LDLRAD4: variants seen among roughly 807,000 people sequenced by gnomAD.
LDLRAD4 encodes the protein low-density lipoprotein receptor class A domain-containing protein 4.
Under a neutral mutation model 17.0 loss-of-function variants are expected in LDLRAD4, and 5 were observed. The observed-to-expected ratio is 0.29, with a 90% CI of 0.15 to 0.62. The LOEUF (loss-of-function observed/expected upper bound fraction) is 0.62. Ranked by LOEUF, LDLRAD4 falls within the 20% of genes least tolerant of loss-of-function variation. The pLI is 0.84. For missense variants in LDLRAD4, 340 were observed against 424.7 expected (o/e 0.80, Z 1.75); for synonymous variants, 168 against 171.8 (o/e 0.98, Z 0.17).
intron 1 of LDLRAD4, among the ~76,000 whole-genome samples, chr18:13,305,975 G>A (rs2046890516): frequency 6.6e-6 from 1 of 152,204 alleles, no homozygotes; most frequent in Admixed American, 6.5e-5. Context: ...GGAGAATTCA[G>A]TGCCAGCAAG....
chr18:13,522,146 T>G (rs2093962447), intron 3 of LDLRAD4: 1 of 152,202 alleles, frequency 6.6e-6, no homozygotes, highest in Admixed American at 6.5e-5. Flanking sequence ...TGATAAATGC[T>G]GTGGCATTCC....
intron 3 of LDLRAD4, among the ~76,000 whole-genome samples, chr18:13,572,308 G>A (rs999140527): frequency 1.3e-5 from 2 of 152,162 alleles, no homozygotes; most frequent in African/African-American, 4.8e-5. Flanking sequence ...GCCACCCCTG[G>A]CCCCCTTTGC....
chr18:13,396,742 C>A (rs2013663), intron 2 of LDLRAD4, among the ~76,000 whole-genome samples: 65,280 of 152,084 alleles, frequency 0.43, 16,326 homozygotes, highest in Non-Finnish European at 0.55. Flanking sequence ...CTTGGCCTCC[C>A]AAAGTGCTAG....
chr18:13,578,809 T>A, intron 3 of LDLRAD4, among the ~76,000 whole-genome samples: 1 of 146,340 alleles, frequency 6.8e-6, no homozygotes, highest in Non-Finnish European at 1.5e-5. Flanking sequence ...CAGTGACCCA[T>A]TTAAAAGTTG....
chr18:13,372,806 C>T (rs2084616074), intron 1 of LDLRAD4, among the ~76,000 whole-genome samples: 1 of 152,194 alleles, frequency 6.6e-6, no homozygotes, highest in Admixed American at 6.5e-5. Flanking sequence ...GGCATGTAGC[C>T]ACACCATGTG....
chr18:13,329,256 A>G (rs1408261978), intron 1 of LDLRAD4, among the ~76,000 whole-genome samples: 1 of 152,228 alleles, frequency 6.6e-6, no homozygotes, highest in East Asian at 1.9e-4. Context: ...GGCTTGCACC[A>G]GTTCACACAA....
chr18:13,507,612 C>G (rs1435134458), intron 3 of LDLRAD4, among the ~76,000 whole-genome samples: 2 of 152,244 alleles, frequency 1.3e-5, no homozygotes, highest in South Asian at 4.1e-4. Flanking sequence ...GTGAATTGTG[C>G]TGCTATAAAC....
intron 2 of LDLRAD4, among the ~76,000 whole-genome samples, chr18:13,432,037 C>T (rs947836828): frequency 1.3e-5 from 2 of 152,202 alleles, no homozygotes; most frequent in Non-Finnish European, 2.9e-5. Context: ...AGCACTGCTG[C>T]ATTCTCCTCC....
At chr18:13,360,895 A>G (rs1031435201) in intron 1 of LDLRAD4, among the ~76,000 whole-genome samples, 1 of 152,166 alleles carries the variant, frequency 6.6e-6, no homozygotes, top group Non-Finnish European at 1.5e-5. Flanking sequence ...TTTTCTCCCC[A>G]CTGATTTCTT....
At chr18:13,552,072 A>T (rs2094440051) in intron 3 of LDLRAD4, among the ~76,000 whole-genome samples, 1 of 152,146 alleles carries the variant, frequency 6.6e-6, no homozygotes, top group Non-Finnish European at 1.5e-5. Context: ...CATGACCCAG[A>T]CACCCCCCAC....
intron 2 of LDLRAD4, among the ~76,000 whole-genome samples, chr18:13,404,776 C>G (rs1053228852): frequency 1.3e-5 from 2 of 149,238 alleles, no homozygotes; most frequent in East Asian, 3.9e-4. Flanking sequence ...CCAGCCTGGG[C>G]GACTGAGCGA....
rs377562237 is a variant in LDLRAD4 at position 13,293,938 on chromosome 18, TGGG to T, written c.-383+15752_-383+15754del. 4.7e-4 allele frequency among the ~76,000 whole-genome samples: 71 copies of T among 152,322 alleles called. No individual in the cohort carries two copies. The East Asian group carries it at 8.7e-3, about 19-fold the overall frequency. On this transcript the variant is annotated intron_variant, in intron 1 of 5. Coordinates refer to ENST00000359446, the Ensembl canonical transcript of LDLRAD4. ...CATAGGAGTCAGGCTCACAGGCTTC[TGGG>T]GCCAGAGGAGCACTTTAATACCAGG...
At chr18:13,557,441 C>T (rs1683145172) in intron 3 of LDLRAD4, among the ~76,000 whole-genome samples, 1 of 152,164 alleles carries the variant, frequency 6.6e-6, no homozygotes, top group African/African-American at 2.4e-5. Flanking sequence ...CGCTCTTTCG[C>T]CCAAGCTGGG....
intron 2 of LDLRAD4, among the ~76,000 whole-genome samples, chr18:13,411,336 G>T (rs1021467582): frequency 2.3e-5 from 3 of 129,804 alleles, no homozygotes; most frequent in Non-Finnish European, 5.0e-5. Flanking sequence ...TTATCTCATA[G>T]TTTTGCCGTA....
At chr18:13,376,082 G>T (rs898201583) in intron 1 of LDLRAD4, among the ~76,000 whole-genome samples, 1 of 152,132 alleles carries the variant, frequency 6.6e-6, no homozygotes, top group Admixed American at 6.5e-5. Flanking sequence ...CACTTCATCA[G>T]ACTCTGGGAG....
rs57635490 is a variant in LDLRAD4, at chr18:13,499,004, G to A, written c.181+60620G>A. ...AATCCATCTCCACACACGTCCCGCC[G>A]TGGACACTGGAGAATCCTTCTTGCC... On this transcript the variant is annotated intron_variant, in intron 3 of 5. Coordinates refer to ENST00000359446, the Ensembl canonical transcript of LDLRAD4. Among the ~76,000 whole-genome samples, 53 of 144,786 alleles carry A rather than the reference G, an allele frequency of 3.7e-4. 1 individual carries two copies. Among genetic ancestry groups the A allele is most frequent in the African/African-American group, 1.1e-3 (42 of 38,256 alleles). The allele number at this position is 144,786 out of a possible 152,430, so 95.0% of individuals were successfully genotyped here.
rs956643365 is a variant in LDLRAD4, at chr18:13,594,590, C to T, written c.182-26527C>T. Among the ~76,000 whole-genome samples the T allele has an allele frequency of 2.9e-5, 4 of 135,954 alleles. No homozygotes were observed. In the Admixed American group the frequency reaches 3.5e-4, roughly 12 times the overall value. 89.2% of individuals were successfully genotyped at this position (135,954 alleles called of 152,430 possible). ...CTGAGGCACAAGAGTCGCTTGAACCCGGAAGGTGGAGGTTGCAGTGAGCTG... is the reference window on the plus strand; with the variant it reads ...CTGAGGCACAAGAGTCGCTTGAACCTGGAAGGTGGAGGTTGCAGTGAGCTG... On this transcript the variant is annotated intron_variant, in intron 3 of 5. Coordinates refer to ENST00000359446, the Ensembl canonical transcript of LDLRAD4.
In LDLRAD4 at chr18:13,405,300, A is replaced by T. The variant is rs560502338; in HGVS notation, c.40+17538A>T. Among the ~76,000 whole-genome samples the T allele has an allele frequency of 7.2e-5, 11 of 152,266 alleles. No individual in the cohort carries two copies. In the South Asian group the frequency reaches 1.0e-3, roughly 14 times the overall value. ...AGACTGAGGCTTAGAGAGACAATAC[A>T]TCTTGTTGGTGGCAGAGTTGGACTT... On this transcript the variant is annotated intron_variant, in intron 2 of 5. Coordinates refer to ENST00000359446, the Ensembl canonical transcript of LDLRAD4.
At chr18:13,386,941 T>C (rs2085878139) in intron 1 of LDLRAD4, among the ~76,000 whole-genome samples, 2 of 121,402 alleles carry the variant, frequency 1.6e-5, no homozygotes, top group African/African-American at 8.0e-5. Context: ...GATAGATAGA[T>C]AGATAGATGG....
Sources: gnomAD v4.1 joint callset for allele counts (sites outside exome capture counted in the v4.1 genomes callset) on GRCh38, gnomAD v4.1.1 for gene constraint, MANE v1.5 for transcripts, NCBI Gene and HGNC (gene_info 2026-07-23, HGNC 2026-07-21) for gene names.